SLC44A2: variants seen among roughly 807,000 people sequenced by gnomAD.
The protein encoded by SLC44A2 is solute carrier family 44 member 2 (CTL2 blood group), also known as choline transporter-like protein 2.
In SLC44A2, 57 loss-of-function variants were observed where a neutral mutation model predicts 90.8. That is an observed-to-expected ratio of 0.63 (90% CI 0.51 to 0.78). The LOEUF is 0.78. Ranked by LOEUF, SLC44A2 falls within the 30% of genes least tolerant of loss-of-function variation. The pLI is 0.00. For missense variants in SLC44A2, 794 were observed against 919.7 expected (o/e 0.86, Z 1.77); for synonymous variants, 355 against 360.7 (o/e 0.98, Z 0.18).
At chr19:10,637,000 C>A in intron 16 of SLC44A2, 1 of 523,640 alleles carries the variant, frequency 1.9e-6, no homozygotes, top group Non-Finnish European at 3.4e-6. Flanking sequence ...CCTGGCCCAC[C>A]ATTGGTTATT....
At position 10,634,832 on chromosome 19, in the gene SLC44A2, C is replaced by G. The variant is rs777757860; in HGVS notation, c.900C>G (p.Gly300=). 3 of 1,614,140 alleles carry G rather than the reference C, an allele frequency of 1.9e-6. No individual in the cohort carries two copies. Among genetic ancestry groups the G allele is most frequent in the Non-Finnish European group, 2.5e-6 (3 of 1,180,042 alleles). The change falls in exon 11 of 22, where the codon GGC becomes GGG. Residue 300 remains glycine (G), a synonymous_variant. Transcript: ENST00000335757. Reference sequence around the variant, plus strand: ...CTGATGTCTCTTTGGTGGACCTCGGCTTTCAGACGGATTTCCGGGTGTACC... The same window carrying G: ...CTGATGTCTCTTTGGTGGACCTCGGGTTTCAGACGGATTTCCGGGTGTACC... ...AGSDVSLVDL[G]FQTDFRVYLH...
chr19:10,627,231 G>A (rs928207550), intron 2 of SLC44A2, among the ~76,000 whole-genome samples: 1 of 151,314 alleles, frequency 6.6e-6, no homozygotes, highest in Non-Finnish European at 1.5e-5. Context: ...TGAGGCAGGA[G>A]AATCGCTTGA....
intron 1 of SLC44A2, among the ~76,000 whole-genome samples, chr19:10,608,636 A>G (rs927199195): frequency 6.9e-6 from 1 of 145,178 alleles, no homozygotes; most frequent in African/African-American, 2.5e-5. Flanking sequence ...TAGTATATAT[A>G]TATTTTATTT....
intron 20 of SLC44A2, chr19:10,641,496 G>C (rs988633673): frequency 2.4e-6 from 1 of 425,118 alleles, no homozygotes; most frequent in Non-Finnish European, 4.6e-6. Flanking sequence ...GCAGAAGGTC[G>C]ATGGGGCATA....
intron 2 of SLC44A2, among the ~76,000 whole-genome samples, chr19:10,626,913 G>A (rs1479289665): frequency 2.6e-5 from 4 of 152,094 alleles, no homozygotes; most frequent in African/African-American, 9.7e-5. Flanking sequence ...AGAAGGCTGA[G>A]GCAGGAGAAT....
chr19:10,643,255 C>CT lies in SLC44A2; in HGVS notation c.2015-23dup, dbSNP rs772300692. On this transcript the variant is annotated intron_variant, in intron 21 of 21. Coordinates refer to ENST00000335757, the MANE Select transcript of SLC44A2 (RefSeq NM_020428.4). The stretch of plus-strand genomic sequence containing the variant: ...TGCCCGTGGGCTCCCCTCATGCCTC[C>CT]TGCTCTGGGACCTCTCTCCACAGTG... 42 of 1,600,638 alleles carry CT rather than the reference C, an allele frequency of 2.6e-5. No homozygotes were observed. The African/African-American group carries it at 5.5e-4, about 21-fold the overall frequency.
chr19:10,612,018 TC>T (rs1206760732), intron 1 of SLC44A2, among the ~76,000 whole-genome samples: 2 of 152,108 alleles, frequency 1.3e-5, no homozygotes, highest in Non-Finnish European at 2.9e-5. Flanking sequence ...GAAGTCTCCT[TC>T]CAGATTGTGA....
At chr19:10,633,624 T>G (rs568920986) in intron 10 of SLC44A2, among the ~76,000 whole-genome samples, 1 of 152,186 alleles carries the variant, frequency 6.6e-6, no homozygotes, top group South Asian at 2.1e-4. Flanking sequence ...CCTGGCTAAA[T>G]TTTTAATATT....
At chr19:10,632,273 A>G in intron 10 of SLC44A2, 117 bp downstream of exon 10, 1 of 860,032 alleles carries the variant, frequency 1.2e-6, no homozygotes, top group Non-Finnish European at 1.9e-6. Context: ...GTGGTGGCTC[A>G]CGCCTGTAAT....
upstream of SLC44A2, among the ~76,000 whole-genome samples, chr19:10,621,715 T>C (rs1429401180): frequency 4.6e-5 from 7 of 152,028 alleles, no homozygotes; most frequent in African/African-American, 1.7e-4. Flanking sequence ...GCTTCCCAGG[T>C]TCAAGCGATT....
At chr19:10,624,971 C>CA (rs1404987415), upstream of SLC44A2, among the ~76,000 whole-genome samples, 6 of 151,758 alleles carry the variant, frequency 4.0e-5, no homozygotes, top group Non-Finnish European at 7.4e-5. Flanking sequence ...CCCATCTCTA[C>CA]AAAAAAAATT....
intron 4 of SLC44A2, 67 bp downstream of exon 4, chr19:10,628,071 A>G (rs1416506687): frequency 4.3e-6 from 6 of 1,403,604 alleles, no homozygotes; most frequent in East Asian, 2.4e-5. Flanking sequence ...GGCATTCCCC[A>G]TCTCTCTAAG....
intron 16 of SLC44A2, chr19:10,637,231 A>C: frequency 4.4e-6 from 1 of 227,462 alleles, no homozygotes; most frequent in East Asian, 1.2e-4. Context: ...GTGCGTCTGC[A>C]GTCCTAGCTA....
At chr19:10,620,911 T>A (rs1038754361), upstream of SLC44A2, among the ~76,000 whole-genome samples, 1 of 152,104 alleles carries the variant, frequency 6.6e-6, no homozygotes. Context: ...TGGTGGTGTG[T>A]GCCTATAGTC....
chr19:10,620,460 A>T (rs771962623), intron 1 of SLC44A2, among the ~76,000 whole-genome samples: 17 of 151,310 alleles, frequency 1.1e-4, no homozygotes, highest in Non-Finnish European at 1.8e-4. Flanking sequence ...ATCTCCAAAA[A>T]ACAAACAAAC....
chr19:10,625,387 G>A, upstream of SLC44A2: 1 of 1,051,434 alleles, frequency 9.5e-7, no homozygotes. Context: ...TGGGGGCGGG[G>A]AAGGCTAAAT....
chr19:10,643,165 T>C (rs537482057), intron 21 of SLC44A2, 114 bp from the exon 22 acceptor site: 2 of 1,465,648 alleles, frequency 1.4e-6, no homozygotes, highest in African/African-American at 2.8e-5. Flanking sequence ...TCCCAGTGTG[T>C]CTGCTTTCTA....
chr19:10,610,274 A>C (rs145729296), intron 1 of SLC44A2, among the ~76,000 whole-genome samples: 1 of 151,872 alleles, frequency 6.6e-6, no homozygotes, highest in African/African-American at 2.4e-5. Context: ...TCTTGTCCTT[A>C]ACAGAAAACA....
rs116402058 is a variant in SLC44A2, at chr19:10,635,455, G to A, written c.1173G>A (p.Ala391=). 9.0e-5 allele frequency: 146 copies of A among 1,613,980 alleles called. No homozygotes were observed. Among genetic ancestry groups the A allele is most frequent in the East Asian group, 6.2e-4 (28 of 44,902 alleles). Residue 391 remains alanine (A), a synonymous_variant, in exon 14 of 22, where the codon GCG becomes GCA. Transcript: ENST00000335757. ...GCTTCCTGTCCACTTCCAACGAAGC[G>A]GTCTATAAGATCTTTGATGACAGCC... ...TAVFLSTSNE[A]VYKIFDDSPC...
Sources: gnomAD v4.1 joint callset for allele counts (sites outside exome capture counted in the v4.1 genomes callset) on GRCh38, gnomAD v4.1.1 for gene constraint, MANE v1.5 for transcripts, NCBI Gene and HGNC (gene_info 2026-07-23, HGNC 2026-07-21) for gene names.